PTPRT: variants seen among roughly 807,000 people sequenced by gnomAD.
PTPRT encodes receptor-type tyrosine-protein phosphatase T.
Under a neutral mutation model 176.8 loss-of-function variants are expected in PTPRT, and 56 were observed. The observed-to-expected ratio is 0.32, with a 90% CI of 0.26 to 0.40. The LOEUF is 0.40. PTPRT is among the 10% of genes least tolerant of loss of function. PTPRT has a pLI of 1.00. For synonymous variants in PTPRT, 783 were observed against 739.0 expected (o/e 1.06, Z -0.96); for missense variants, 1,540 against 1,908.2 (o/e 0.81, Z 3.60).
intron 1 of PTPRT, among the ~76,000 whole-genome samples, chr20:43,002,006 C>T (rs1984593676): frequency 6.6e-6 from 1 of 152,108 alleles, no homozygotes; most frequent in South Asian, 2.1e-4. Flanking sequence ...GAGGGAGAGA[C>T]CTGGTAGGAA....
intron 27 of PTPRT, among the ~76,000 whole-genome samples, 154 bp downstream of exon 27, chr20:42,098,267 G>C (rs1178764561): frequency 6.6e-6 from 1 of 152,164 alleles, no homozygotes; most frequent in Non-Finnish European, 1.5e-5. Context: ...GTAGGTAGCA[G>C]AATGGCTTGT....
chr20:42,324,059 G>A lies in PTPRT; in HGVS notation c.1866-8063C>T, dbSNP rs200497435. On this transcript the variant is annotated intron_variant, in intron 11 of 30. Transcript: ENST00000373187. ...ATAAGACATTTCCACACAAAAACTTGAATTAAACTGTTCATAGAAGCATTA... is the reference window on the plus strand; with the variant it reads ...ATAAGACATTTCCACACAAAAACTTAAATTAAACTGTTCATAGAAGCATTA... 4.1e-3 allele frequency among the ~76,000 whole-genome samples: 626 copies of A among 152,192 alleles called. 10 individuals are homozygous for A. The highest frequency in any genetic ancestry group is 0.038 in the South Asian group (183 of 4,826).
At position 42,179,878 on chromosome 20, in the gene PTPRT, A is replaced by G. The variant is rs1280141655; in HGVS notation, c.2492-18336T>C. ...CCTAAAGAAAGGCATGGAATAGCCAAGTATAGCCAGCTGTAGTAATAGCAG... is the reference window on the plus strand; with the variant it reads ...CCTAAAGAAAGGCATGGAATAGCCAGGTATAGCCAGCTGTAGTAATAGCAG... On this transcript the variant is annotated intron_variant, in intron 16 of 30. Coordinates refer to ENST00000373187, the MANE Select transcript of PTPRT (RefSeq NM_007050.6). Among the ~76,000 whole-genome samples the G allele has an allele frequency of 2.0e-5, 3 of 152,346 alleles. No individual in the cohort carries two copies. In the South Asian group the frequency reaches 6.2e-4, roughly 32 times the overall value.
the PTPRT span, among the ~76,000 whole-genome samples, chr20:42,056,517 C>A: frequency 6.6e-6 from 1 of 152,318 alleles, no homozygotes; most frequent in East Asian, 1.9e-4. Flanking sequence ...CTTCTTTATG[C>A]ATATGCCAGT....
intron 15 of PTPRT, among the ~76,000 whole-genome samples, chr20:42,231,903 A>G (rs1042339217): frequency 6.6e-6 from 1 of 152,170 alleles, no homozygotes; most frequent in Non-Finnish European, 1.5e-5. Context: ...AAAGATGGAG[A>G]GCACTTGATG....
intron 7 of PTPRT, among the ~76,000 whole-genome samples, chr20:42,639,974 C>T (rs1366626430): frequency 1.3e-5 from 2 of 152,084 alleles, no homozygotes; most frequent in East Asian, 1.9e-4. Flanking sequence ...GGAATTTTAA[C>T]CTGCCATCTG....
At chr20:42,461,451 C>G (rs537391742) in intron 8 of PTPRT, among the ~76,000 whole-genome samples, 6 of 152,238 alleles carry the variant, frequency 3.9e-5, no homozygotes, top group African/African-American at 1.4e-4. Context: ...GTGGGAGGGC[C>G]GTTTGAGCCC....
intron 13 of PTPRT, among the ~76,000 whole-genome samples, chr20:42,278,956 G>T (rs1361464792): frequency 6.6e-6 from 1 of 152,082 alleles, no homozygotes; most frequent in Non-Finnish European, 1.5e-5. Context: ...CCAAAGGTAT[G>T]GTTCTAAATG....
chr20:42,459,892 C>T (rs1445982234), intron 8 of PTPRT, among the ~76,000 whole-genome samples: 2 of 150,018 alleles, frequency 1.3e-5, no homozygotes, highest in Non-Finnish European at 3.0e-5. Flanking sequence ...GCTGGGATTA[C>T]AGGGGTGAGC....
chr20:42,898,040 C>A (rs1411330995), intron 1 of PTPRT, among the ~76,000 whole-genome samples: 3 of 152,168 alleles, frequency 2.0e-5, no homozygotes, highest in African/African-American at 7.2e-5. Context: ...CCCATCATAT[C>A]CCTTATAGAT....
At chr20:42,980,701 C>T (rs181328135) in intron 1 of PTPRT, among the ~76,000 whole-genome samples, 2 of 152,270 alleles carry the variant, frequency 1.3e-5, no homozygotes, top group East Asian at 1.9e-4. Flanking sequence ...CTTGACATTC[C>T]TTCCCCTTGG....
chr20:43,031,795 AG>A (rs750752517), intron 1 of PTPRT, among the ~76,000 whole-genome samples: 18 of 152,224 alleles, frequency 1.2e-4, no homozygotes, highest in Non-Finnish European at 2.5e-4. Flanking sequence ...CTGTCTCTGA[AG>A]AGGAAGACCT....
intron 7 of PTPRT, among the ~76,000 whole-genome samples, chr20:42,548,462 G>GA (rs999683896): frequency 6.6e-6 from 1 of 151,848 alleles, no homozygotes; most frequent in Non-Finnish European, 1.5e-5. Context: ...TCACCCTATG[G>GA]AAAAAAATAA....
chr20:42,578,383 G>T (rs913981617), intron 7 of PTPRT, among the ~76,000 whole-genome samples: 9 of 152,174 alleles, frequency 5.9e-5, no homozygotes, highest in African/African-American at 2.2e-4. Context: ...GAGGGTCACA[G>T]AACTAATCAT....
At chr20:42,043,538 A>C in the PTPRT span, among the ~76,000 whole-genome samples, 1 of 152,164 alleles carries the variant, frequency 6.6e-6, no homozygotes, top group Non-Finnish European at 1.5e-5. Context: ...GTGATGACTC[A>C]TGAGGTCACA....
chr20:42,745,660 T>C (rs2076681398), intron 6 of PTPRT, among the ~76,000 whole-genome samples: 1 of 152,214 alleles, frequency 6.6e-6, no homozygotes, highest in African/African-American at 2.4e-5. Context: ...CTGGAGCCCA[T>C]GGGTTTAACT....
At chr20:42,268,296 A>T (rs1413983471) in intron 13 of PTPRT, among the ~76,000 whole-genome samples, 1 of 152,210 alleles carries the variant, frequency 6.6e-6, no homozygotes, top group Non-Finnish European at 1.5e-5. Context: ...CAGAGGAGGA[A>T]CATTCAGACG....
At chr20:42,546,490 CA>C (rs901130957) in intron 7 of PTPRT, among the ~76,000 whole-genome samples, 6 of 147,210 alleles carry the variant, frequency 4.1e-5, no homozygotes, top group Non-Finnish European at 9.0e-5. Flanking sequence ...AAAAAAAAAA[CA>C]AGAAAGAAAG....
At chr20:42,121,319 C>T (rs1436718574) in intron 19 of PTPRT, among the ~76,000 whole-genome samples, 2 of 152,216 alleles carry the variant, frequency 1.3e-5, no homozygotes, top group East Asian at 1.9e-4. Flanking sequence ...GAGCAATCAA[C>T]AGCCCTACTA....
Sources: gnomAD v4.1 joint callset for allele counts (sites outside exome capture counted in the v4.1 genomes callset) on GRCh38, gnomAD v4.1.1 for gene constraint, MANE v1.5 for transcripts, NCBI Gene and HGNC (gene_info 2026-07-23, HGNC 2026-07-21) for gene names.